GSN: variants seen among roughly 807,000 people sequenced by gnomAD.
GSN encodes actin-depolymerizing factor.
A neutral mutation model predicts 85.7 loss-of-function variants in GSN; 56 were observed. That is an observed-to-expected ratio of 0.65 (90% CI 0.53 to 0.82). The LOEUF (loss-of-function observed/expected upper bound fraction) is 0.82, where lower values mean the gene tolerates loss of function less well. Among genes scored for constraint, GSN ranks in the 40% least tolerant of loss-of-function variants. The probability of loss-of-function intolerance (pLI) is 0.00; values close to 1 mark genes in which losing one functional copy is unlikely to be tolerated. For missense variants in GSN, 857 were observed against 979.8 expected (o/e 0.87, Z 1.67); for synonymous variants, 373 against 399.1 (o/e 0.93, Z 0.78).
Position 121,328,911 on chromosome 9 carries a change from G to C in GSN, c.1783G>C (p.Gly595Arg), listed in dbSNP as rs2063563123. 2 of 1,612,618 alleles carry C rather than the reference G, an allele frequency of 1.2e-6. No individual in the cohort carries two copies. The highest frequency in any genetic ancestry group is 2.7e-5 in the African/African-American group (2 of 75,050). The change falls in exon 15 of 18, where the codon GGC (glycine) becomes CGC (arginine). Residue 595 changes from glycine (G) to arginine (R), a missense_variant. Physicochemically the swap from Gly to Arg is moderately radical, Grantham distance 125. Transcript: ENST00000432226. ...SEPDGFWEALGGKAAYRTSPR... is the reference protein window; with the variant it reads ...SEPDGFWEALRGKAAYRTSPR... ...CACAGATGGCTTCTGGGAGGCCCTG[G>C]GCGGGAAGGCTGCCTACCGCACATC...
At chr9:121,251,187 C>CTTT (rs58231680) in intron 6 of GSN, among the ~76,000 whole-genome samples, 3 of 73,044 alleles carry the variant, frequency 4.1e-5, no homozygotes, top group African/African-American at 1.3e-4. Flanking sequence ...CTGATGTGTT[C>CTTT]TTTTTTTTTT....
chr9:121,294,656 G>A (rs1264552674), intron 2 of GSN, among the ~76,000 whole-genome samples: 1 of 152,224 alleles, frequency 6.6e-6, no homozygotes, highest in East Asian at 1.9e-4. Flanking sequence ...CTCCCAGGAT[G>A]GACTTGGCCA....
chr9:121,222,610 T>C (rs2054190033), intron 4 of GSN, among the ~76,000 whole-genome samples: 1 of 152,196 alleles, frequency 6.6e-6, no homozygotes, highest in Admixed American at 6.5e-5. Flanking sequence ...ATAATTTGCA[T>C]TACAATTACC....
At chr9:121,317,275 C>T (rs2061829129) in intron 8 of GSN, 57 bp downstream of exon 8, 2 of 1,582,392 alleles carry the variant, frequency 1.3e-6, no homozygotes, top group East Asian at 4.5e-5. Context: ...ATGGGATGTT[C>T]TGCAGCTCCC....
chr9:121,271,792 A>G (rs1056550421), intron 1 of GSN, among the ~76,000 whole-genome samples: 3 of 152,182 alleles, frequency 2.0e-5, no homozygotes, highest in Non-Finnish European at 2.9e-5. Flanking sequence ...GTGCAGGTCA[A>G]TCTCCCCTCC....
chr9:121,300,347 T>C (rs1203656145), intron 2 of GSN, among the ~76,000 whole-genome samples: 4 of 152,136 alleles, frequency 2.6e-5, no homozygotes, highest in Non-Finnish European at 4.4e-5. Context: ...TCTGATGTCT[T>C]CTTCCATTTA....
upstream of GSN, among the ~76,000 whole-genome samples, chr9:121,206,037 A>G (rs1368619164): frequency 6.7e-6 from 1 of 148,456 alleles, no homozygotes; most frequent in Admixed American, 6.7e-5. Flanking sequence ...TGGAGTTGCC[A>G]CCGAGCCACA....
At chr9:121,235,685 G>A (rs1476697347) in intron 5 of GSN, among the ~76,000 whole-genome samples, 4 of 152,200 alleles carry the variant, frequency 2.6e-5, no homozygotes, top group African/African-American at 9.7e-5. Context: ...TGGGAAAGAA[G>A]ACAGTGGAGA....
chr9:121,331,722 C>G (rs2063929647), intron 17 of GSN: 3 of 382,984 alleles, frequency 7.8e-6, no homozygotes, highest in Non-Finnish European at 1.4e-5. Flanking sequence ...ACTTCAAGTT[C>G]CCAGAATACT....
intron 2 of GSN, chr9:121,285,444 T>C (rs1225474844): frequency 6.0e-6 from 1 of 167,190 alleles, no homozygotes; most frequent in East Asian, 1.9e-4. Flanking sequence ...AAGCCTGGAC[T>C]GGGTTTTATT....
chr9:121,321,431 G>T (rs750357253), intron 11 of GSN, 30 bp downstream of exon 11: 3 of 1,608,460 alleles, frequency 1.9e-6, no homozygotes, highest in African/African-American at 1.3e-5. Flanking sequence ...GGTGTGTGTC[G>T]TGGGGGTACT....
At chr9:121,301,842 G>A (rs571782194) in intron 2 of GSN, 121 bp from the exon 3 acceptor site, 140 of 1,517,594 alleles carry the variant, frequency 9.2e-5, no homozygotes, top group African/African-American at 1.1e-4. Flanking sequence ...TCCCTGGGGC[G>A]TGGGGAGAGC....
chr9:121,229,820 AC>A, intron 4 of GSN, among the ~76,000 whole-genome samples: 1 of 152,294 alleles, frequency 6.6e-6, no homozygotes, highest in South Asian at 2.1e-4. Context: ...ACAACTTCTC[AC>A]CCAGTGTTTT....
intron 4 of GSN, among the ~76,000 whole-genome samples, chr9:121,225,597 G>T (rs541708842): frequency 7.2e-5 from 11 of 152,302 alleles, no homozygotes; most frequent in African/African-American, 2.6e-4. Context: ...CTCCAAAGTG[G>T]AAAAGAACTC....
intron 5 of GSN, among the ~76,000 whole-genome samples, chr9:121,243,631 G>A (rs2054646528): frequency 1.3e-5 from 2 of 152,230 alleles, no homozygotes; most frequent in Admixed American, 1.3e-4. Context: ...AGGCTGGAGT[G>A]CAATGGCACG....
upstream of GSN, among the ~76,000 whole-genome samples, chr9:121,267,507 G>A (rs993555525): frequency 6.6e-6 from 1 of 152,180 alleles, no homozygotes; most frequent in Non-Finnish European, 1.5e-5. Flanking sequence ...GACAAACGAG[G>A]AAACGGAGAC....
chr9:121,254,813 TCTC>T (rs777824740), intron 6 of GSN, among the ~76,000 whole-genome samples: 4 of 152,110 alleles, frequency 2.6e-5, no homozygotes, highest in Non-Finnish European at 5.9e-5. Flanking sequence ...CACAGAAAAA[TCTC>T]CTTTTGCCCT....
At chr9:121,245,261 G>C (rs1273143577) in intron 5 of GSN, among the ~76,000 whole-genome samples, 1 of 152,204 alleles carries the variant, frequency 6.6e-6, no homozygotes, top group Non-Finnish European at 1.5e-5. Context: ...TAGTTGATAG[G>C]AGATATAAAT....
chr9:121,270,280 G>A (rs965655412), intron 1 of GSN, among the ~76,000 whole-genome samples: 1 of 152,210 alleles, frequency 6.6e-6, no homozygotes, highest in African/African-American at 2.4e-5. Flanking sequence ...TCATCCTGAA[G>A]GCAATGAAGA....
Sources: gnomAD v4.1 joint callset for allele counts (sites outside exome capture counted in the v4.1 genomes callset) on GRCh38, gnomAD v4.1.1 for gene constraint, MANE v1.5 for transcripts, NCBI Gene and HGNC (gene_info 2026-07-23, HGNC 2026-07-21) for gene names.